Variants in NTAN1 observed in about 807,000 individuals in gnomAD.
NTAN1 encodes protein N-terminal asparagine amidohydrolase.
NTAN1 carries 32 observed loss-of-function variants against 41.9 expected under a neutral mutation model. The ratio of observed to expected loss-of-function variants is 0.76; its 90% CI spans 0.58 to 1.03. NTAN1 has a LOEUF of 1.03. Ranked by LOEUF, NTAN1 falls within the 50% of genes least tolerant of loss-of-function variation. The probability of loss-of-function intolerance (pLI) is 0.00; values close to 1 mark genes in which losing one functional copy is unlikely to be tolerated. For missense variants in NTAN1, 377 were observed against 377.5 expected, an observed-to-expected ratio of 1.00 and a Z score of 0.01; for synonymous variants, 140 against 139.5, an observed-to-expected ratio of 1.00 and a Z score of -0.03.
chr16:15,046,880 C>CA (rs966891034), intron 4 of NTAN1, among the ~76,000 whole-genome samples: 13 of 152,074 alleles, frequency 8.5e-5, no homozygotes, highest in African/African-American at 2.9e-4. Context: ...ATCTCAACAA[C>CA]AAAAAGAGAA....
intron 5 of NTAN1, among the ~76,000 whole-genome samples, chr16:15,043,331 C>T (rs543432566): frequency 5.3e-5 from 8 of 152,296 alleles, no homozygotes; most frequent in East Asian, 1.9e-4. Context: ...CCACCGTGCC[C>T]GGCCGGATAT....
chr16:15,038,350 A>T (rs2043636984), intron 9 of NTAN1, 140 bp from the exon 10 acceptor site: 2 of 667,098 alleles, frequency 3.0e-6, no homozygotes, highest in Admixed American at 6.9e-5. Context: ...TGAATTAGTA[A>T]GAAAAAAGTT....
chr16:15,047,694 C>A, intron 3 of NTAN1, 144 bp from the exon 4 acceptor site: 3 of 893,118 alleles, frequency 3.4e-6, no homozygotes, highest in South Asian at 2.8e-5. Flanking sequence ...CCCCAGCCAA[C>A]CCATTCTGAC....
At chr16:15,038,283 A>ATCTT (rs1370693133) in intron 9 of NTAN1, 73 bp from the exon 10 acceptor site, 144 of 1,089,920 alleles carry the variant, frequency 1.3e-4, no homozygotes, top group South Asian at 4.0e-4. Flanking sequence ...ATGTCAAAGT[A>ATCTT]TCTTTGTTCT....
At chr16:15,055,317 G>C (rs974086981) in intron 1 of NTAN1, among the ~76,000 whole-genome samples, 2 of 152,202 alleles carry the variant, frequency 1.3e-5, no homozygotes, top group African/African-American at 4.8e-5. Flanking sequence ...TGGTCCTATG[G>C]CCCAGCTGCG....
intron 4 of NTAN1, chr16:15,044,624 G>A: frequency 6.8e-6 from 4 of 586,090 alleles, no homozygotes; most frequent in South Asian, 6.4e-5. Flanking sequence ...ATGACTGAGG[G>A]GATCCGTATC....
intron 1 of NTAN1, among the ~76,000 whole-genome samples, chr16:15,052,868 GCTACGCTGCGAGC>G (rs1369185647): frequency 6.6e-6 from 1 of 152,070 alleles, no homozygotes; most frequent in Non-Finnish European, 1.5e-5. Flanking sequence ...CAGGAACTAA[GCTACGCTGCGAGC>G]ATCTTGTAGA....
chr16:15,042,681 T>C (rs2043869090), intron 5 of NTAN1, among the ~76,000 whole-genome samples: 1 of 152,146 alleles, frequency 6.6e-6, no homozygotes, highest in African/African-American at 2.4e-5. Flanking sequence ...TCTTAGCATA[T>C]ATTTCCACAA....
chr16:15,048,192 G>GCCCAC, intron 1 of NTAN1, 93 bp from the exon 2 acceptor site: 2 of 798,068 alleles, frequency 2.5e-6, no homozygotes, highest in Non-Finnish European at 4.1e-6. Flanking sequence ...GCTCTGCGTG[G>GCCCAC]GCAGCACGCT....
chr16:15,047,662 G>C (rs2044130559), intron 3 of NTAN1, 112 bp from the exon 4 acceptor site: 1 of 953,608 alleles, frequency 1.0e-6, no homozygotes, highest in Admixed American at 1.8e-5. Flanking sequence ...TCCTGTAGGG[G>C]AAAAACGGAC....
intron 1 of NTAN1, among the ~76,000 whole-genome samples, chr16:15,052,908 T>C (rs1477488716): frequency 6.6e-6 from 1 of 152,196 alleles, no homozygotes; most frequent in African/African-American, 2.4e-5. Flanking sequence ...GGAACCGTAT[T>C]ACCCAAGATG....
At chr16:15,040,982 A>C (rs964302039) in intron 7 of NTAN1, 86 bp downstream of exon 7, 26 of 904,144 alleles carry the variant, frequency 2.9e-5, no homozygotes, top group African/African-American at 4.9e-5. Context: ...CCATCCTGAC[A>C]GCAGTGGGGT....
intron 1 of NTAN1, among the ~76,000 whole-genome samples, chr16:15,052,602 G>A (rs2044339829): frequency 6.6e-6 from 1 of 152,216 alleles, no homozygotes; most frequent in Non-Finnish European, 1.5e-5. Flanking sequence ...TGGAGGCCGA[G>A]GCGAGATGAT....
chr16:15,042,558 T>C (rs781517321), intron 5 of NTAN1, among the ~76,000 whole-genome samples: 1 of 152,192 alleles, frequency 6.6e-6, no homozygotes, highest in Non-Finnish European at 1.5e-5. Context: ...TTTCATGTGT[T>C]ATTTTTTAGC....
At chr16:15,044,638 A>G in intron 4 of NTAN1, 2 of 574,686 alleles carry the variant, frequency 3.5e-6, no homozygotes, top group Non-Finnish European at 6.2e-6. Flanking sequence ...CCGTATCTGA[A>G]CACAAATGTG....
chr16:15,049,910 T>C (rs915391012), intron 1 of NTAN1, among the ~76,000 whole-genome samples: 2 of 152,206 alleles, frequency 1.3e-5, no homozygotes, highest in African/African-American at 4.8e-5. Context: ...TAAAGAGCTA[T>C]AAATGTGCCA....
rs1368582360 is a variant in NTAN1 at position 15,037,875 on chromosome 16, T to TA, written c.*155dup. On this transcript the variant is annotated 3_prime_UTR_variant, in exon 10 of 10. Transcript: ENST00000287706. ...AAATGCCTTTGCCAAAATAAGGTTT[T>TA]ATTTTGAAAGTCATTTGATGAAAGT... is the stretch of plus-strand genomic sequence containing the variant. 2.4e-5 allele frequency: 13 copies of TA among 549,236 alleles called. No homozygotes were observed. Among genetic ancestry groups the TA allele is most frequent in the Non-Finnish European group, 3.5e-5 (11 of 312,076 alleles). 34.0% of individuals were successfully genotyped at this position (549,236 alleles called of 1,614,324 possible).
At chr16:15,041,003 C>T in intron 7 of NTAN1, 65 bp downstream of exon 7, 1 of 1,126,360 alleles carries the variant, frequency 8.9e-7, no homozygotes, top group Non-Finnish European at 1.4e-6. Context: ...CATTGGTTTG[C>T]TGAATTAGAC....
intron 1 of NTAN1, among the ~76,000 whole-genome samples, chr16:15,051,535 T>TG (rs1445537179): frequency 2.0e-5 from 3 of 151,894 alleles, no homozygotes; most frequent in Admixed American, 6.6e-5. Flanking sequence ...TTTGTAGAGA[T>TG]GGGGTCTCCC....
Sources: allele counts gnomAD v4.1 joint callset (sites outside exome capture counted in the v4.1 genomes callset), GRCh38; gene constraint gnomAD v4.1.1; transcripts MANE v1.5; gene names NCBI Gene and HGNC (gene_info 2026-07-23, HGNC 2026-07-21).